Variants in NIPAL2 observed in about 807,000 individuals in gnomAD.
The protein encoded by NIPAL2 is NIPA-like protein 2.
Under a neutral mutation model 48.9 loss-of-function variants are expected in NIPAL2, and 43 were observed. The observed-to-expected ratio is 0.88, with a 90% CI of 0.69 to 1.13. NIPAL2 has a LOEUF of 1.13. Among genes scored for constraint, NIPAL2 ranks in the 50% most tolerant of loss-of-function variants. NIPAL2 has a pLI of 0.00. For synonymous variants in NIPAL2, 167 were observed against 174.6 expected, an observed-to-expected ratio of 0.96 and a Z score of 0.34; for missense variants, 446 against 461.4, an observed-to-expected ratio of 0.97 and a Z score of 0.31.
intron 1 of NIPAL2, among the ~76,000 whole-genome samples, chr8:98,259,698 T>A (rs1053628293): frequency 1.3e-5 from 2 of 152,328 alleles, no homozygotes; most frequent in South Asian, 4.1e-4. Context: ...TGAAATATTT[T>A]GAGAACAAGC....
chr8:98,207,793 A>G (rs1250145328), intron 6 of NIPAL2, among the ~76,000 whole-genome samples: 1 of 152,206 alleles, frequency 6.6e-6, no homozygotes, highest in Non-Finnish European at 1.5e-5. Context: ...GCTACTTAGG[A>G]GCTCATTTTC....
In NIPAL2 at chr8:98,212,442, C is replaced by G; in HGVS notation, c.618G>C (p.Lys206Asn). 1 of 1,589,574 alleles carries G rather than the reference C, an allele frequency of 6.3e-7. No individual in the cohort carries two copies. Among genetic ancestry groups the G allele is most frequent in the South Asian group, 1.1e-5 (1 of 90,448 alleles). Residue 206 changes from lysine to asparagine, a missense_variant, in exon 6 of 11, where the codon AAG becomes AAC. By Grantham distance (94) the Lys-to-Asn change is moderately conservative. Transcript: ENST00000430223. ...LLYFYKRKGM[K>N]HMVILLTLVA... ...CCAGGGTTAGCAGAATCACCATATG[C>G]TTCATTCCTTTTCTTTTATAGAAAT...
chr8:98,259,489 A>G (rs1326059640), intron 1 of NIPAL2, among the ~76,000 whole-genome samples: 1 of 152,168 alleles, frequency 6.6e-6, no homozygotes, highest in Non-Finnish European at 1.5e-5. Flanking sequence ...TTTGAAAGTA[A>G]TCAGAGTATG....
At chr8:98,274,743 T>A (rs1013797106) in intron 1 of NIPAL2, among the ~76,000 whole-genome samples, 8 of 152,100 alleles carry the variant, frequency 5.3e-5, no homozygotes, top group African/African-American at 1.9e-4. Context: ...AATGGGAAAC[T>A]TAGTCCATTT....
At chr8:98,274,965 G>A (rs1815374263) in intron 1 of NIPAL2, among the ~76,000 whole-genome samples, 1 of 151,964 alleles carries the variant, frequency 6.6e-6, no homozygotes, top group Admixed American at 6.6e-5. Context: ...AGTAAGTACT[G>A]CTATTTTTTT....
At chr8:98,279,148 G>C (rs757333856) in intron 1 of NIPAL2, among the ~76,000 whole-genome samples, 3 of 152,042 alleles carry the variant, frequency 2.0e-5, no homozygotes, top group Non-Finnish European at 2.9e-5. Flanking sequence ...TCTTTGAATG[G>C]TAGTAACACA....
Position 98,205,149 on chromosome 8 carries a change from C to G in NIPAL2, c.753G>C (p.Met251Ile), listed in dbSNP as rs148824821. Residue 251 changes from methionine to isoleucine, a missense_variant, in exon 7 of 11, where the codon ATG becomes ATC. Transcript: ENST00000430223. Reference protein sequence around the residue: ...MQLTYPIFYIMFIIMIASCVF... With the variant: ...MQLTYPIFYIIFIIMIASCVF... ...CACAAGATGCTATCATGATGATAAA[C>G]ATGATATAGAAAATGGGGTAAGTTA... is the stretch of plus-strand genomic sequence containing the variant. The G allele has an allele frequency of 1.2e-6, 2 of 1,613,750 alleles. 1 individual carries two copies. The highest frequency in any genetic ancestry group is 1.7e-6 in the Non-Finnish European group (2 of 1,179,822).
In NIPAL2 at chr8:98,222,504, A is replaced by G; in HGVS notation, c.533T>C (p.Val178Ala). The change falls in exon 5 of 11, where the codon GTC becomes GCC. Residue 178 changes from valine (V) to alanine (A), a missense_variant. By Grantham distance (64) the Val-to-Ala change is moderately conservative. Coordinates refer to ENST00000430223, the MANE Select transcript of NIPAL2 (RefSeq NM_001321635.2). ...CACATAGATCAGGAACTGCCATCCG[A>G]CAAGGTAATACTGTACTGTTCTTGC... is the stretch of plus-strand genomic sequence containing the variant. ...ISARTVQYYL[V>A]GWQFLIYVIL... is the part of the protein sequence containing the mutation. The G allele has an allele frequency of 6.2e-7, 1 of 1,613,678 alleles. No individual in the cohort carries two copies.
intron 7 of NIPAL2, among the ~76,000 whole-genome samples, chr8:98,204,034 C>T (rs925175495): frequency 2.6e-5 from 4 of 152,100 alleles, no homozygotes; most frequent in African/African-American, 4.8e-5. Flanking sequence ...GAACCACAGT[C>T]GTACAGTGTG....
intron 1 of NIPAL2, among the ~76,000 whole-genome samples, chr8:98,289,631 A>T (rs1046649936): frequency 6.6e-6 from 1 of 151,932 alleles, no homozygotes; most frequent in Non-Finnish European, 1.5e-5. Flanking sequence ...GACTACAGGC[A>T]CGAGCTACCA....
At chr8:98,225,981 C>A (rs1397870128) in intron 4 of NIPAL2, among the ~76,000 whole-genome samples, 3 of 151,922 alleles carry the variant, frequency 2.0e-5, no homozygotes, top group Non-Finnish European at 2.9e-5. Flanking sequence ...TCTGCTTGAT[C>A]ATTTCTGCTG....
chr8:98,280,761 T>TATATATATAGAGAGAGAGAGAG lies in NIPAL2; in HGVS notation c.135+13241_135+13242insCTCTCTCTCTCTCTATATATAT. Among the ~76,000 whole-genome samples the TATATATATAGAGAGAGAGAGAG allele has an allele frequency of 2.7e-3, 81 of 29,996 alleles. 2 individuals carry two copies. Among genetic ancestry groups the TATATATATAGAGAGAGAGAGAG allele is most frequent in the South Asian group, 4.5e-3 (3 of 670 alleles). 19.7% of individuals were successfully genotyped at this position (29,996 alleles called of 152,430 possible). A position where few individuals can be genotyped will look rare whatever the true frequency, so the allele number is the denominator to read the frequency against. On this transcript the variant is annotated intron_variant, in intron 1 of 10. Transcript: ENST00000430223. ...CTATATATATATATATATATATATATAGAGAGAGAGAGAGAGAGAGAGAGA... is the reference window on the plus strand; with the variant it reads ...CTATATATATATATATATATATATATATATATATAGAGAGAGAGAGAGAGAGAGAGAGAGAGAGAGAGAGAGA...
At chr8:98,265,583 T>C (rs1233183309) in intron 1 of NIPAL2, among the ~76,000 whole-genome samples, 1 of 130,390 alleles carries the variant, frequency 7.7e-6, no homozygotes, top group East Asian at 2.1e-4. Context: ...CACAATGAGA[T>C]ACCATCTCAC....
rs376984652 is a variant in NIPAL2, at chr8:98,264,667, G to A, written c.136-10580C>T. 2.4e-3 allele frequency among the ~76,000 whole-genome samples: 363 copies of A among 150,318 alleles called. 18 individuals are homozygous for A. The East Asian group carries it at 0.065, about 27-fold the overall frequency. ...AATGGAAGAACATTCCATGCTCATG[G>A]GTAGGAAGAATCAATATCGTGAAAA... On this transcript the variant is annotated intron_variant, in intron 1 of 10. Transcript: ENST00000430223.
At chr8:98,270,276 G>A (rs965217810) in intron 1 of NIPAL2, among the ~76,000 whole-genome samples, 1 of 152,052 alleles carries the variant, frequency 6.6e-6, no homozygotes, top group Non-Finnish European at 1.5e-5. Context: ...TTTCCACAGG[G>A]GCTGAACAAT....
chr8:98,205,201 G>A lies in NIPAL2; in HGVS notation c.701C>T (p.Thr234Ile). The change falls in exon 7 of 11, where the codon ACT (threonine) becomes ATT (isoleucine). Residue 234 changes from threonine (T) to isoleucine (I), a missense_variant. By Grantham distance (89) the Thr-to-Ile change is moderately conservative (BLOSUM62 -1). Coordinates refer to ENST00000430223, the MANE Select transcript of NIPAL2 (RefSeq NM_001321635.2). ...ISVKAVSGMI[T>I]FSVMDKMQLT... Reference sequence around the variant, plus strand: ...TTGCATTTTATCCATCACAGAAAAAGTGATCATGCCTGAGACGGCCTTTAC... The same window carrying A: ...TTGCATTTTATCCATCACAGAAAAAATGATCATGCCTGAGACGGCCTTTAC... 6.2e-7 allele frequency: 1 copy of A among 1,613,682 alleles called. No homozygotes were observed. Among genetic ancestry groups the A allele is most frequent in the Non-Finnish European group, 8.5e-7 (1 of 1,179,770 alleles).
At chr8:98,265,986 C>T (rs1194124126) in intron 1 of NIPAL2, among the ~76,000 whole-genome samples, 1 of 151,546 alleles carries the variant, frequency 6.6e-6, no homozygotes, top group Non-Finnish European at 1.5e-5. Context: ...TTTGTAGGGA[C>T]ATGGATGAAA....
chr8:98,224,864 TC>T (rs994125298), intron 4 of NIPAL2, among the ~76,000 whole-genome samples: 3 of 150,974 alleles, frequency 2.0e-5, no homozygotes, highest in African/African-American at 7.3e-5. Context: ...GTTCAAGTGA[TC>T]CTCCTCTTAG....
At chr8:98,241,826 T>G (rs1812994732) in intron 3 of NIPAL2, among the ~76,000 whole-genome samples, 1 of 141,386 alleles carries the variant, frequency 7.1e-6, no homozygotes, top group South Asian at 2.3e-4. Flanking sequence ...ACGGAATAAT[T>G]AACTCTTTCT....
Sources: gnomAD v4.1 joint callset for allele counts (sites outside exome capture counted in the v4.1 genomes callset) on GRCh38, gnomAD v4.1.1 for gene constraint, MANE v1.5 for transcripts, NCBI Gene and HGNC (gene_info 2026-07-23, HGNC 2026-07-21) for gene names.